NCKAP5: variants seen among roughly 807,000 people sequenced by gnomAD.
The protein encoded by NCKAP5 is nck-associated protein 5.
In NCKAP5, 92 loss-of-function variants were observed where a neutral mutation model predicts 167.0. The ratio of observed to expected loss-of-function variants is 0.55; its 90% CI spans 0.47 to 0.66. NCKAP5 has a LOEUF of 0.66. NCKAP5 is among the 30% of genes least tolerant of loss of function. The pLI is 0.00. For missense variants in NCKAP5, 2,378 were observed against 2,315.0 expected (o/e 1.03, Z -0.56); for synonymous variants, 891 against 877.4 (o/e 1.02, Z -0.27).
At chr2:132,828,500 C>T (rs201173566) in intron 11 of NCKAP5, among the ~76,000 whole-genome samples, 1 of 152,132 alleles carries the variant, frequency 6.6e-6, no homozygotes, top group East Asian at 1.9e-4. Context: ...TTACCTTTTG[C>T]CATGATTGGA....
intron 19 of NCKAP5, among the ~76,000 whole-genome samples, chr2:132,698,886 A>G (rs534473870): frequency 6.6e-6 from 1 of 152,218 alleles, no homozygotes; most frequent in Admixed American, 6.5e-5. Flanking sequence ...GTAAGGCCCT[A>G]CCCAGATCCA....
chr2:132,752,515 A>G (rs1018876988), intron 16 of NCKAP5, among the ~76,000 whole-genome samples: 3 of 152,178 alleles, frequency 2.0e-5, no homozygotes, highest in African/African-American at 7.2e-5. Context: ...GAATCTTGGC[A>G]TCTGTAGTCT....
chr2:133,583,784 C>T, the NCKAP5 span, among the ~76,000 whole-genome samples: 7 of 151,876 alleles, frequency 4.6e-5, no homozygotes, highest in African/African-American at 7.3e-5. Flanking sequence ...GGTGGAGTCT[C>T]GCTCTGTCGC....
chr2:133,345,814 AAGTGC>A (rs1337851309), intron 3 of NCKAP5, among the ~76,000 whole-genome samples: 1 of 152,094 alleles, frequency 6.6e-6, no homozygotes, highest in Non-Finnish European at 1.5e-5. Flanking sequence ...GGGATAAAGG[AAGTGC>A]AGTTACTGAA....
chr2:133,402,699 C>G (rs903628977), intron 3 of NCKAP5, among the ~76,000 whole-genome samples: 2 of 152,120 alleles, frequency 1.3e-5, no homozygotes, highest in African/African-American at 4.8e-5. Context: ...CTCTTGCTTT[C>G]TCTCTCACCA....
At chr2:132,749,777 G>T (rs565689814) in intron 16 of NCKAP5, among the ~76,000 whole-genome samples, 4 of 151,978 alleles carry the variant, frequency 2.6e-5, no homozygotes, top group African/African-American at 9.7e-5. Context: ...GCTTAGCCAC[G>T]CAGGACAGTG....
chr2:133,673,126 G>T, the NCKAP5 span, among the ~76,000 whole-genome samples: 1 of 152,132 alleles, frequency 6.6e-6, no homozygotes, highest in South Asian at 2.1e-4. Context: ...CCCACATGAG[G>T]TCACAGCCTT....
intron 8 of NCKAP5, among the ~76,000 whole-genome samples, chr2:132,907,197 G>GAAA (rs1382101941): frequency 6.6e-6 from 1 of 152,172 alleles, no homozygotes; most frequent in Non-Finnish European, 1.5e-5. Flanking sequence ...CCTAGAAACT[G>GAAA]AAAACCTTTT....
chr2:133,254,146 C>T (rs528845071), intron 4 of NCKAP5, among the ~76,000 whole-genome samples: 3 of 152,114 alleles, frequency 2.0e-5, no homozygotes, highest in East Asian at 1.9e-4. Flanking sequence ...CCTCCCACAG[C>T]GAAAACAGGT....
At chr2:133,461,128 G>A (rs1692173795) in intron 3 of NCKAP5, among the ~76,000 whole-genome samples, 1 of 152,144 alleles carries the variant, frequency 6.6e-6, no homozygotes, top group African/African-American at 2.4e-5. Context: ...CAGGTGAATA[G>A]AGAGGGGCGG....
Position 132,780,995 on chromosome 2 carries a change from C to T in NCKAP5, c.5049+57G>A, listed in dbSNP as rs954961340. ...TTTTCATTAGCAAACGGTAGAAAGA[C>T]CCCAGCCAGAACATCTCAGATTGTA... On this transcript the variant is annotated intron_variant, in intron 15 of 19. Transcript: ENST00000409261. 9 of 1,544,114 alleles carry T rather than the reference C, an allele frequency of 5.8e-6. No homozygotes were observed. In the African/African-American group the frequency reaches 1.2e-4, roughly 21 times the overall value.
chr2:133,519,311 A>G (rs1684282100), intron 2 of NCKAP5, among the ~76,000 whole-genome samples: 1 of 152,268 alleles, frequency 6.6e-6, no homozygotes, highest in Non-Finnish European at 1.5e-5. Flanking sequence ...ATCAGAATTT[A>G]GGATAAAATC....
At chr2:133,242,249 C>CTTT (rs764246319) in intron 4 of NCKAP5, among the ~76,000 whole-genome samples, 2 of 140,218 alleles carry the variant, frequency 1.4e-5, no homozygotes. Flanking sequence ...TTTTTCTTTT[C>CTTT]TTTTCTTTTC....
At chr2:133,265,281 A>G (rs1033409529) in intron 4 of NCKAP5, among the ~76,000 whole-genome samples, 16 of 152,154 alleles carry the variant, frequency 1.1e-4, no homozygotes, top group Admixed American at 8.5e-4. Context: ...ATAAGAAGAG[A>G]AATTCCGGGG....
At chr2:133,071,134 T>C (rs1287539367) in intron 6 of NCKAP5, among the ~76,000 whole-genome samples, 3 of 152,132 alleles carry the variant, frequency 2.0e-5, no homozygotes, top group Non-Finnish European at 2.9e-5. Flanking sequence ...AAGCTTCAAC[T>C]ATAGACCAAT....
chr2:133,647,404 GAAGGAAGGAAGGAAGA>G, the NCKAP5 span, among the ~76,000 whole-genome samples: 1 of 121,364 alleles, frequency 8.2e-6, no homozygotes, highest in African/African-American at 3.8e-5. Context: ...AGGAAGGAAG[GAAGGAAGGAAGGAAGA>G]GAAAGAAAGG....
the NCKAP5 span, among the ~76,000 whole-genome samples, chr2:133,616,768 T>C: frequency 4.6e-5 from 7 of 151,824 alleles, no homozygotes; most frequent in South Asian, 6.3e-4. Flanking sequence ...TTCCAATCAA[T>C]AGAAAAAGAG....
Position 132,732,009 on chromosome 2 carries a change from G to A in NCKAP5, c.5171C>T (p.Thr1724Ile). ...QMRTLDSGIG[T>I]FPLPDSGNRS... ...ATTTCCCGAGTCTGGGAGTGGAAAGGTTCCGATCCCACTGTCCAATGTTCT... is the reference window on the plus strand; with the variant it reads ...ATTTCCCGAGTCTGGGAGTGGAAAGATTCCGATCCCACTGTCCAATGTTCT... The change falls in exon 17 of 20, where the codon ACC becomes ATC. Residue 1724 changes from threonine (T) to isoleucine (I), a missense_variant. Coordinates refer to ENST00000409261, the MANE Select transcript of NCKAP5 (RefSeq NM_207363.3). 1 of 1,613,802 alleles carries A rather than the reference G, an allele frequency of 6.2e-7. No homozygotes were observed. The highest frequency in any genetic ancestry group is 8.5e-7 in the Non-Finnish European group (1 of 1,179,836).
intron 3 of NCKAP5, among the ~76,000 whole-genome samples, chr2:133,507,570 C>A (rs1683120723): frequency 6.6e-6 from 1 of 152,156 alleles, no homozygotes; most frequent in Admixed American, 6.5e-5. Context: ...CAGGAGGAAC[C>A]ACTTTTTGGG....
Sources: allele counts gnomAD v4.1 joint callset (sites outside exome capture counted in the v4.1 genomes callset), GRCh38; gene constraint gnomAD v4.1.1; transcripts MANE v1.5; gene names NCBI Gene and HGNC (gene_info 2026-07-23, HGNC 2026-07-21).